Variants in SLC1A3 observed in about 807,000 individuals in gnomAD.
The protein encoded by SLC1A3 is excitatory amino acid transporter 1.
Under a neutral mutation model 48.1 loss-of-function variants are expected in SLC1A3, and 21 were observed. The observed-to-expected ratio is 0.44, with a 90% CI of 0.31 to 0.63. The LOEUF (loss-of-function observed/expected upper bound fraction) is 0.63, where lower values mean the gene tolerates loss of function less well. Ranked by LOEUF, SLC1A3 falls within the 20% of genes least tolerant of loss-of-function variation. The pLI is 0.08. For synonymous variants in SLC1A3, 239 were observed against 251.4 expected (o/e 0.95, Z 0.47); for missense variants, 546 against 689.0 (o/e 0.79, Z 2.32).
chr5:36,648,197 T>G (rs886957060), intron 3 of SLC1A3, among the ~76,000 whole-genome samples: 16 of 152,214 alleles, frequency 1.1e-4, no homozygotes, highest in Non-Finnish European at 1.9e-4. Flanking sequence ...ACTGTCTCAA[T>G]GTTGAAAGAA....
In SLC1A3 at chr5:36,686,407, C is replaced by T; in HGVS notation, c.*138C>T. The stretch of plus-strand genomic sequence containing the variant: ...CCTTCTGATAAGACTGGAAAATAGT[C>T]CTCCAAAACACAAGGGAGGATTTTG... On this transcript the variant is annotated 3_prime_UTR_variant, in exon 10 of 10. Coordinates refer to ENST00000265113, the MANE Select transcript of SLC1A3 (RefSeq NM_004172.5). 1.3e-6 allele frequency: 1 copy of T among 741,320 alleles called. No individual in the cohort carries two copies. The highest frequency in any genetic ancestry group is 2.3e-6 in the Non-Finnish European group (1 of 428,086). The allele number at this position is 741,320 out of a possible 1,614,324, so 45.9% of individuals were successfully genotyped here. A position where few individuals can be genotyped will look rare whatever the true frequency, so the allele number is the denominator to read the frequency against.
In SLC1A3 at chr5:36,612,483, G is replaced by A. The variant is rs190430124; in HGVS notation, c.181+3879G>A. Among the ~76,000 whole-genome samples, 88 of 152,044 alleles carry A rather than the reference G, an allele frequency of 5.8e-4. 4 individuals carry two copies. The South Asian group carries it at 0.014, about 23-fold the overall frequency. On this transcript the variant is annotated intron_variant, in intron 2 of 9. Transcript: ENST00000265113. ...GTCTGTAGTCCCAGCTACTTGGGGG[G>A]GCTGAAGTGGGAGGAGGATCACTTA...
At chr5:36,681,211 C>T (rs1256930382) in intron 8 of SLC1A3, among the ~76,000 whole-genome samples, 1 of 152,196 alleles carries the variant, frequency 6.6e-6, no homozygotes, top group Non-Finnish European at 1.5e-5. Context: ...GACATGCACA[C>T]ACTTCTTTTT....
chr5:36,671,158 G>T lies in SLC1A3; in HGVS notation c.449G>T (p.Gly150Val), dbSNP rs1290549207. Residue 150 changes from glycine (G) to valine (V), a missense_variant, in exon 4 of 10, where the codon GGC becomes GTC. By Grantham distance (109) the Gly-to-Val change is moderately radical. Around this residue, in one of 3 missense-constraint regions of SLC1A3, gnomAD observed 348 missense variants for 392.0 expected, o/e 0.89. Coordinates refer to ENST00000265113, the MANE Select transcript of SLC1A3 (RefSeq NM_004172.5). The part of the protein sequence containing the change: ...IIVIIIHPGK[G>V]TKENMHREGK... ...GTCATCATCATCCATCCTGGGAAGG[G>T]CACAAAGGAAAACATGCACAGAGAA... 1 of 1,613,858 alleles carries T rather than the reference G, an allele frequency of 6.2e-7. No individual in the cohort carries two copies.
chr5:36,600,857 C>T lies in SLC1A3; in HGVS notation c.-96+4179C>T, dbSNP rs1738800324. On this transcript the variant is annotated intron_variant, in intron 1 of 9. Coordinates refer to the SLC1A3 transcript ENST00000680318. The stretch of plus-strand genomic sequence containing the variant: ...ACTAACTTTATTCTAACCTTACCCC[C>T]AGATTACTATGATTGCATCCAATGT... Among the ~76,000 whole-genome samples the T allele has an allele frequency of 2.0e-5, 3 of 152,216 alleles. No individual in the cohort carries two copies. In the South Asian group the frequency reaches 6.2e-4, roughly 32 times the overall value.
At chr5:36,636,990 G>T (rs1274385117) in intron 3 of SLC1A3, among the ~76,000 whole-genome samples, 1 of 152,088 alleles carries the variant, frequency 6.6e-6, no homozygotes, top group Non-Finnish European at 1.5e-5. Context: ...GTGTTATTTG[G>T]CACAATTAGG....
At chr5:36,610,030 A>G (rs1739127856) in intron 2 of SLC1A3, among the ~76,000 whole-genome samples, 1 of 152,236 alleles carries the variant, frequency 6.6e-6, no homozygotes, top group Non-Finnish European at 1.5e-5. Context: ...AAGCCTATGA[A>G]GCGAGTGAGA....
At chr5:36,662,113 C>A (rs1741537469) in intron 3 of SLC1A3, among the ~76,000 whole-genome samples, 1 of 152,180 alleles carries the variant, frequency 6.6e-6, no homozygotes, top group African/African-American at 2.4e-5. Context: ...CAAAGAACTT[C>A]CTCTCATTAA....
At chr5:36,678,495 A>G (rs564200623) in intron 6 of SLC1A3, among the ~76,000 whole-genome samples, 2 of 152,334 alleles carry the variant, frequency 1.3e-5, no homozygotes, top group Admixed American at 1.3e-4. Context: ...CTGAGTTATT[A>G]TATTTCTGAA....
chr5:36,604,089 T>C (rs953459955), upstream of SLC1A3, among the ~76,000 whole-genome samples: 4 of 151,940 alleles, frequency 2.6e-5, no homozygotes, highest in Admixed American at 2.0e-4. Context: ...ATACTGACAT[T>C]TTTTCCCAAA....
chr5:36,601,721 C>T (rs1561230075), upstream of SLC1A3, among the ~76,000 whole-genome samples: 1 of 151,904 alleles, frequency 6.6e-6, no homozygotes, highest in Non-Finnish European at 1.5e-5. Flanking sequence ...TCCCACCCAC[C>T]CCCCATTCAA....
At chr5:36,683,721 A>AGG in intron 8 of SLC1A3, 143 bp from the exon 9 acceptor site, 1 of 717,710 alleles carries the variant, frequency 1.4e-6, no homozygotes, top group Non-Finnish European at 2.3e-6. Flanking sequence ...AAAAAAAAAA[A>AGG]TCTCATTTAC....
At chr5:36,618,319 T>TA (rs1452101015) in intron 2 of SLC1A3, among the ~76,000 whole-genome samples, 1 of 152,228 alleles carries the variant, frequency 6.6e-6, no homozygotes, top group Non-Finnish European at 1.5e-5. Flanking sequence ...TCCCTCCCTC[T>TA]AAGCCTTCAC....
rs1051500257 is a variant in SLC1A3, at chr5:36,688,298, T to C, written c.*2029T>C. 6.6e-6 allele frequency: 1 copy of C among 152,260 alleles called. No individual in the cohort carries two copies. Among genetic ancestry groups the C allele is most frequent in the Non-Finnish European group, 1.5e-5 (1 of 68,042 alleles). 9.4% of individuals were successfully genotyped at this position (152,260 alleles called of 1,614,324 possible). ...GGACTGGGAAGCATTACTTTGTAGA[T>C]GTATTTTCAATAAAGAAAAAAATAG... On this transcript the variant is annotated 3_prime_UTR_variant, in exon 10 of 10. Transcript: ENST00000265113.
At chr5:36,673,976 A>T in intron 4 of SLC1A3, 73 bp from the exon 5 acceptor site, 1 of 1,180,382 alleles carries the variant, frequency 8.5e-7, no homozygotes, top group African/African-American at 1.5e-5. Flanking sequence ...TACCTTACAC[A>T]CAATGAAACA....
At chr5:36,646,069 T>A (rs1422834966) in intron 3 of SLC1A3, among the ~76,000 whole-genome samples, 2 of 152,242 alleles carry the variant, frequency 1.3e-5, no homozygotes, top group Non-Finnish European at 2.9e-5. Context: ...CCCAGGAGAC[T>A]CTTTGGAGTA....
upstream of SLC1A3, among the ~76,000 whole-genome samples, chr5:36,606,032 T>C (rs902262631): frequency 6.6e-6 from 1 of 152,236 alleles, no homozygotes; most frequent in Non-Finnish European, 1.5e-5. Context: ...TGAGCTAAAT[T>C]AGGTTTGTTA....
In SLC1A3 at chr5:36,680,467, C is replaced by T. The variant is rs372548093; in HGVS notation, c.1167C>T (p.Phe389=). The change falls in exon 8 of 10, where the codon TTC becomes TTT. Residue 389 remains phenylalanine, a synonymous_variant. Coordinates refer to ENST00000265113, the MANE Select transcript of SLC1A3 (RefSeq NM_004172.5). ...NNGVDKRVTR[F]VLPVGATINM... ...GCGTGGACAAGCGCGTCACCAGATT[C>T]GTGCTCCCCGTAGGAGCCACCATTA... 9.9e-6 allele frequency: 16 copies of T among 1,614,090 alleles called. No individual in the cohort carries two copies. The highest frequency in any genetic ancestry group is 3.3e-5 in the South Asian group (3 of 91,090).
At chr5:36,629,103 C>G (rs567491881) in intron 2 of SLC1A3, among the ~76,000 whole-genome samples, 3 of 152,014 alleles carry the variant, frequency 2.0e-5, no homozygotes, top group African/African-American at 7.2e-5. Flanking sequence ...ATCACCTGTT[C>G]GTGAATGCTT....
Sources: gnomAD v4.1 joint callset for allele counts (sites outside exome capture counted in the v4.1 genomes callset) on GRCh38, gnomAD v4.1.1 for gene constraint, gnomAD v4.1.1 regional missense constraint, MANE v1.5 for transcripts, NCBI Gene and HGNC (gene_info 2026-07-23, HGNC 2026-07-21) for gene names.